MTCL2: variants seen among roughly 807,000 people sequenced by gnomAD.
The protein encoded by MTCL2 is microtubule crosslinking factor 2.
the MTCL2 span, among the ~76,000 whole-genome samples, chr20:36,840,052 C>T: frequency 3.3e-5 from 5 of 152,140 alleles, no homozygotes; most frequent in South Asian, 2.1e-4. Flanking sequence ...TTAGTGGAGA[C>T]GGGGTTTCAC....
chr20:36,794,541 G>T, the MTCL2 span: 2 of 1,614,074 alleles, frequency 1.2e-6, no homozygotes, highest in South Asian at 2.2e-5. The surrounding 1 kb of genome is among the most constrained non-coding windows in gnomAD (Gnocchi z 5.4). Context: ...CCGCCAGCAA[G>T]GTAAGGGGAA....
At chr20:36,848,252 C>A in the MTCL2 span, among the ~76,000 whole-genome samples, 1 of 152,204 alleles carries the variant, frequency 6.6e-6, no homozygotes, top group Non-Finnish European at 1.5e-5. Context: ...TAGGGAACCT[C>A]CTGCTCACCC....
chr20:36,860,906 T>C, the MTCL2 span, among the ~76,000 whole-genome samples: 3 of 152,136 alleles, frequency 2.0e-5, no homozygotes, highest in Non-Finnish European at 2.9e-5. Context: ...CCGGCCCCTG[T>C]GAGATCCCGG....
At chr20:36,823,655 G>A in the MTCL2 span, among the ~76,000 whole-genome samples, 1 of 151,998 alleles carries the variant, frequency 6.6e-6, no homozygotes, top group Non-Finnish European at 1.5e-5. Context: ...TCAAAAATAC[G>A]AAATTAGCCA....
the MTCL2 span, among the ~76,000 whole-genome samples, chr20:36,801,396 TTGA>T: frequency 6.6e-6 from 1 of 152,106 alleles, no homozygotes; most frequent in Middle Eastern, 3.4e-3. Flanking sequence ...TAAAATTTGA[TTGA>T]TGATTAAAAA....
chr20:36,810,706 T>TTCTCTCTCTCCCTCTCTC, the MTCL2 span, among the ~76,000 whole-genome samples: 1 of 60,998 alleles, frequency 1.6e-5, no homozygotes, highest in Non-Finnish European at 3.7e-5. Flanking sequence ...CCTCCCCTCC[T>TTCTCTCTCTCCCTCTCTC]TCTCTCTCTC....
the MTCL2 span, among the ~76,000 whole-genome samples, chr20:36,792,527 A>T: frequency 1.3e-5 from 2 of 151,814 alleles, no homozygotes; most frequent in African/African-American, 2.4e-5. Flanking sequence ...AAAACAATAA[A>T]AAAAAAAAAA....
chr20:36,834,478 G>T, the MTCL2 span, among the ~76,000 whole-genome samples: 4 of 152,104 alleles, frequency 2.6e-5, no homozygotes, highest in African/African-American at 7.2e-5. Context: ...TGACCTCCTT[G>T]TATCCGGTCT....
the MTCL2 span, chr20:36,812,664 C>T: frequency 6.2e-7 from 1 of 1,607,122 alleles, no homozygotes; most frequent in Admixed American, 1.7e-5. Context: ...CAGTCACTCT[C>T]CTCCTACCCA....
chr20:36,801,939 G>A, the MTCL2 span, among the ~76,000 whole-genome samples: 6 of 151,848 alleles, frequency 4.0e-5, no homozygotes, highest in African/African-American at 1.5e-4. Context: ...ACTCCAGCCT[G>A]GGCGACAGAG....
At chr20:36,797,768 G>C in the MTCL2 span, among the ~76,000 whole-genome samples, 46 of 152,314 alleles carry the variant, frequency 3.0e-4, 1 homozygote, top group African/African-American at 9.6e-4. Flanking sequence ...GATAATAAAA[G>C]GAACTACTTG....
chr20:36,845,039 G>A, the MTCL2 span, among the ~76,000 whole-genome samples: 1 of 150,438 alleles, frequency 6.6e-6, no homozygotes. Context: ...AGAAGAAGAA[G>A]AAGAAAAGAA....
chr20:36,809,347 G>T, the MTCL2 span, among the ~76,000 whole-genome samples: 1 of 152,154 alleles, frequency 6.6e-6, no homozygotes, highest in Non-Finnish European at 1.5e-5. Flanking sequence ...TACAGTAAGG[G>T]CTTAACAAAT....
the MTCL2 span, chr20:36,779,417 AG>A: frequency 6.6e-6 from 1 of 152,604 alleles, no homozygotes; most frequent in East Asian, 1.9e-4. Context: ...AGGGCAGGGG[AG>A]GAAAAAGGAG....
the MTCL2 span, chr20:36,796,966 G>A: frequency 6.2e-7 from 1 of 1,613,582 alleles, no homozygotes; most frequent in Non-Finnish European, 8.5e-7. Context: ...TCAAGGAAGA[G>A]AGACAGGAAG....
At chr20:36,848,412 T>C in the MTCL2 span, among the ~76,000 whole-genome samples, 2 of 152,234 alleles carry the variant, frequency 1.3e-5, no homozygotes, top group Admixed American at 1.3e-4. Context: ...GAAGAGCCTC[T>C]TGGTCCCGGC....
At chr20:36,784,774 G>A in the MTCL2 span, 9 of 985,682 alleles carry the variant, frequency 9.1e-6, no homozygotes, top group Non-Finnish European at 1.1e-5. Context: ...GAAGAGCCGT[G>A]AAAGGCCATA....
chr20:36,807,225 C>T, the MTCL2 span, among the ~76,000 whole-genome samples: 1 of 152,192 alleles, frequency 6.6e-6, no homozygotes, highest in South Asian at 2.1e-4. Context: ...ATGAGCCCCA[C>T]TGAGATAGGG....
the MTCL2 span, among the ~76,000 whole-genome samples, chr20:36,840,322 G>T: frequency 6.6e-6 from 1 of 150,446 alleles, no homozygotes; most frequent in Non-Finnish European, 1.5e-5. Context: ...CCGCCACCAC[G>T]CCTGGCTAAT....
Sources: gnomAD v4.1 joint callset for allele counts (sites outside exome capture counted in the v4.1 genomes callset) on GRCh38, gnomAD v4.1.1 for gene constraint, Gnocchi (gnomAD v3.1) non-coding constraint, MANE v1.5 for transcripts, NCBI Gene and HGNC (gene_info 2026-07-23, HGNC 2026-07-21) for gene names.